ZNF638: variants seen among roughly 807,000 people sequenced by gnomAD.
ZNF638 encodes zinc finger protein 638, also known as CTCL tumor antigen se33-1.
A neutral mutation model predicts 195.6 loss-of-function variants in ZNF638; 46 were observed. That is an observed-to-expected ratio of 0.24 (90% CI 0.19 to 0.30). ZNF638 has a LOEUF of 0.30. ZNF638 is among the 10% of genes least tolerant of loss of function. ZNF638 has a pLI of 1.00. For synonymous variants in ZNF638, 845 were observed against 772.0 expected, an observed-to-expected ratio of 1.09 and a Z score of -1.57; for missense variants, 2,440 against 2,325.3, an observed-to-expected ratio of 1.05 and a Z score of -1.01.
At chr2:71,410,238 A>G (rs1209406677) in intron 20 of ZNF638, among the ~76,000 whole-genome samples, 1 of 152,190 alleles carries the variant, frequency 6.6e-6, no homozygotes, top group Non-Finnish European at 1.5e-5. Flanking sequence ...CTGGAGTGCC[A>G]TGGTTCAATC....
rs902743538 is a variant in ZNF638 at position 71,352,438 on chromosome 2, G to T, written c.1317+2167G>T. On this transcript the variant is annotated intron_variant, in intron 2 of 27. Coordinates refer to ENST00000264447, the MANE Select transcript of ZNF638 (RefSeq NM_014497.5). ...GGTTGCAGTGAGCCGAGATCGCGCCGCTGCACTCCAGCCTGGGTGACAGAG... is the reference window on the plus strand; with the variant it reads ...GGTTGCAGTGAGCCGAGATCGCGCCTCTGCACTCCAGCCTGGGTGACAGAG... Among the ~76,000 whole-genome samples, 12 of 149,756 alleles carry T rather than the reference G, an allele frequency of 8.0e-5. No homozygotes were observed. In the Admixed American group the frequency reaches 8.1e-4, roughly 10 times the overall value.
chr2:71,342,355 C>G (rs1321989644), intron 1 of ZNF638, among the ~76,000 whole-genome samples: 1 of 151,848 alleles, frequency 6.6e-6, no homozygotes, highest in East Asian at 1.9e-4. Flanking sequence ...ACGTGTCTTG[C>G]TTCATCAAAT....
rs1303506334 is a variant in ZNF638, at chr2:71,431,448, T to C, written c.5752+20T>C. Reference sequence around the variant, plus strand: ...CTGAGGGTAAAGTTAAAATGACATTTTTTTCTTACCCATATGAAATTTAAA... The same window carrying C: ...CTGAGGGTAAAGTTAAAATGACATTCTTTTCTTACCCATATGAAATTTAAA... On this transcript the variant is annotated intron_variant, in intron 26 of 27. Coordinates refer to ENST00000264447, the MANE Select transcript of ZNF638 (RefSeq NM_014497.5). 6.2e-7 allele frequency: 1 copy of C among 1,608,750 alleles called. No individual in the cohort carries two copies. The highest frequency in any genetic ancestry group is 1.7e-5 in the Admixed American group (1 of 59,666).
intron 7 of ZNF638, among the ~76,000 whole-genome samples, chr2:71,368,908 GA>G (rs1256910502): frequency 3.9e-5 from 6 of 152,220 alleles, no homozygotes; most frequent in African/African-American, 1.4e-4. Context: ...CATTACTTTA[GA>G]ACACCAGTTA....
rs746359278 is a variant in ZNF638 at position 71,423,442 on chromosome 2, A to G, written c.3928A>G (p.Lys1310Glu). Residue 1310 changes from lysine (K) to glutamate (E), a missense_variant, in exon 22 of 28, where the codon AAG (lysine) becomes GAG (glutamate). Around this residue, in one of 5 missense-constraint regions of ZNF638, gnomAD observed 1,883 missense variants for 1,739.1 expected, o/e 1.08. Transcript: ENST00000264447. ...TGAAAAAAAAGGTAACATGGATGAAAAGGAGGAGAAGGAATTTAATACTAA... is the reference window on the plus strand; with the variant it reads ...TGAAAAAAAAGGTAACATGGATGAAGAGGAGGAGAAGGAATTTAATACTAA... ...ISEKKGNMDE[K>E]EEKEFNTKET... 6.2e-7 allele frequency: 1 copy of G among 1,613,434 alleles called. No homozygotes were observed. Among genetic ancestry groups the G allele is most frequent in the Non-Finnish European group, 8.5e-7 (1 of 1,179,858 alleles).
chr2:71,408,035 C>A, intron 19 of ZNF638, 87 bp from the exon 20 acceptor site: 2 of 1,303,576 alleles, frequency 1.5e-6, no homozygotes, highest in Non-Finnish European at 2.1e-6. Context: ...TAGGTGTATA[C>A]TAAAAAGTGG....
At chr2:71,335,234 T>C (rs2078645441) in intron 1 of ZNF638, among the ~76,000 whole-genome samples, 1 of 152,038 alleles carries the variant, frequency 6.6e-6, no homozygotes, top group African/African-American at 2.4e-5. Flanking sequence ...AGAGACAAGG[T>C]CTTGCTGTAT....
intron 8 of ZNF638, among the ~76,000 whole-genome samples, chr2:71,372,231 T>C (rs1389913673): frequency 2.6e-5 from 4 of 152,164 alleles, no homozygotes; most frequent in Admixed American, 6.5e-5. Context: ...GTTGTTGTCC[T>C]TGTGTCCTAG....
At chr2:71,424,504 G>T in intron 22 of ZNF638, 146 bp from the exon 23 acceptor site, 1 of 665,936 alleles carries the variant, frequency 1.5e-6, no homozygotes, top group Non-Finnish European at 2.6e-6. Context: ...TGTTGACTTA[G>T]TTTTGTATAC....
intron 10 of ZNF638, among the ~76,000 whole-genome samples, chr2:71,392,198 T>G (rs912357744): frequency 6.6e-6 from 1 of 152,236 alleles, no homozygotes; most frequent in Admixed American, 6.5e-5. Context: ...ATATAAAATA[T>G]GCCCTTCCTG....
intron 19 of ZNF638, 134 bp downstream of exon 19, chr2:71,406,396 C>G: frequency 2.6e-6 from 2 of 775,528 alleles, no homozygotes; most frequent in Non-Finnish European, 4.0e-6. Context: ...TTATTATAAA[C>G]CAGAATATTT....
chr2:71,354,696 C>T (rs1372205860), intron 2 of ZNF638, among the ~76,000 whole-genome samples: 1 of 148,924 alleles, frequency 6.7e-6, no homozygotes, highest in African/African-American at 2.5e-5. Flanking sequence ...GAGATCGCCT[C>T]ATTGCACTCC....
chr2:71,406,718 T>C (rs747270889), intron 19 of ZNF638, among the ~76,000 whole-genome samples: 3 of 152,114 alleles, frequency 2.0e-5, no homozygotes, highest in African/African-American at 7.2e-5. Flanking sequence ...ATAAAATAAT[T>C]GCTGGATGCA....
chr2:71,349,127 A>G lies in ZNF638; in HGVS notation c.173A>G (p.His58Arg), dbSNP rs775628567. 18 of 1,614,118 alleles carry G rather than the reference A, an allele frequency of 1.1e-5. No homozygotes were observed. Among genetic ancestry groups the G allele is most frequent in the East Asian group, 1.1e-4 (5 of 44,898 alleles). ...GGAATTCCACACAGATTTGCTGGCCATGAATCTTATCAGAACATGGGGCCA... is the reference window on the plus strand; with the variant it reads ...GGAATTCCACACAGATTTGCTGGCCGTGAATCTTATCAGAACATGGGGCCA... ...ARGIPHRFAG[H>R]ESYQNMGPQR... Residue 58 changes from histidine to arginine, a missense_variant, in exon 2 of 28, where the codon CAT (histidine) becomes CGT (arginine). By Grantham distance (29) the His-to-Arg change is conservative. Coordinates refer to ENST00000264447, the MANE Select transcript of ZNF638 (RefSeq NM_014497.5).
At chr2:71,378,309 A>T (rs930750417) in intron 8 of ZNF638, among the ~76,000 whole-genome samples, 1 of 152,238 alleles carries the variant, frequency 6.6e-6, no homozygotes. Context: ...TTCTTTTAAA[A>T]TTGAAAATTA....
At chr2:71,383,083 G>T (rs559926760) in intron 10 of ZNF638, among the ~76,000 whole-genome samples, 1 of 152,326 alleles carries the variant, frequency 6.6e-6, no homozygotes, top group African/African-American at 2.4e-5. Context: ...AGCACTTTGG[G>T]AGTTTGAGGC....
intron 8 of ZNF638, among the ~76,000 whole-genome samples, chr2:71,378,273 T>C (rs1262525417): frequency 3.3e-5 from 5 of 152,226 alleles, no homozygotes; most frequent in African/African-American, 7.2e-5. Context: ...TTTCAACTTA[T>C]ACATCGGAAC....
chr2:71,365,952 C>G lies in ZNF638; in HGVS notation c.1995+246C>G, dbSNP rs147002809. Among the ~76,000 whole-genome samples the G allele has an allele frequency of 1.0e-3, 156 of 152,306 alleles. 1 individual carries two copies. The East Asian group carries it at 0.028, about 27-fold the overall frequency. On this transcript the variant is annotated intron_variant, in intron 6 of 27. Transcript: ENST00000264447. Reference sequence around the variant, plus strand: ...CAGGCTGGTCTCGAACTACTAGGTTCAGGCAGTCCTTCCACGTCAGCTTCC... The same window carrying G: ...CAGGCTGGTCTCGAACTACTAGGTTGAGGCAGTCCTTCCACGTCAGCTTCC...
intron 7 of ZNF638, among the ~76,000 whole-genome samples, chr2:71,369,067 G>T (rs1204673582): frequency 6.6e-6 from 1 of 152,162 alleles, no homozygotes; most frequent in Non-Finnish European, 1.5e-5. Context: ...GGGCGTGTTG[G>T]CTTGTGCCTG....
Sources: allele counts gnomAD v4.1 joint callset (sites outside exome capture counted in the v4.1 genomes callset), GRCh38; gene constraint gnomAD v4.1.1; regional missense constraint gnomAD v4.1.1; transcripts MANE v1.5; gene names NCBI Gene and HGNC (gene_info 2026-07-23, HGNC 2026-07-21).